Variants in JAG2 observed in about 807,000 individuals in gnomAD.
JAG2 encodes the protein protein jagged-2.
In JAG2, 46 loss-of-function variants were observed where a neutral mutation model predicts 141.7. That is an observed-to-expected ratio of 0.32 (90% CI 0.26 to 0.42). The LOEUF (loss-of-function observed/expected upper bound fraction) is 0.42. Among genes scored for constraint, JAG2 ranks in the 10% least tolerant of loss-of-function variants. The probability of loss-of-function intolerance (pLI) is 1.00; values close to 1 mark genes in which losing one functional copy is unlikely to be tolerated. For missense variants in JAG2, 1,500 were observed against 1,817.5 expected, an observed-to-expected ratio of 0.83 and a Z score of 3.18; for synonymous variants, 862 against 763.5, an observed-to-expected ratio of 1.13 and a Z score of -2.13.
In JAG2 at chr14:105,167,815, C is replaced by G. The variant is rs1280880686; in HGVS notation, c.359G>C (p.Arg120Pro). The change falls in exon 2 of 26, where the codon CGG (arginine) becomes CCG (proline). Residue 120 changes from arginine to proline, a missense_variant. By Grantham distance (103) the Arg-to-Pro change is moderately radical. Around this residue, in one of 3 missense-constraint regions of JAG2, gnomAD observed 200 missense variants for 174.3 expected, o/e 1.15. Coordinates refer to ENST00000331782, the MANE Select transcript of JAG2 (RefSeq NM_002226.5). This position sits in a 1 kb window ranked among gnomAD's most constrained non-coding sequence, Gnocchi z 4.8. ...GCCCGGGTCCTGGTCGCCGCCGGCCCGGGCCCGCGCCCGCGCTCGGTCCCC... is the reference window on the plus strand; with the variant it reads ...GCCCGGGTCCTGGTCGCCGCCGGCCGGGGCCCGCGCCCGCGCTCGGTCCCC... The part of the protein sequence containing the change: ...AAGDRARARA[R>P]AGGDQDPGLV... 8 of 1,469,156 alleles carry G rather than the reference C, an allele frequency of 5.4e-6. No homozygotes were observed. The highest frequency in any genetic ancestry group is 6.0e-5 in the East Asian group (2 of 33,394). The allele number at this position is 1,469,156 out of a possible 1,614,324, so 91.0% of individuals were successfully genotyped here.
At chr14:105,163,245 G>A (rs587771701) in intron 2 of JAG2, among the ~76,000 whole-genome samples, 1 of 152,340 alleles carries the variant, frequency 6.6e-6, no homozygotes, top group East Asian at 1.9e-4. Context: ...TGTCACCCGA[G>A]GCAGGGAAGA....
chr14:105,155,688 C>A, intron 4 of JAG2, 50 bp downstream of exon 4: 1 of 1,612,316 alleles, frequency 6.2e-7, no homozygotes, highest in Non-Finnish European at 8.5e-7. Flanking sequence ...GTGCCCGGGG[C>A]CCTGCCCGAG....
chr14:105,168,335 G>T lies in JAG2; in HGVS notation c.66+20C>A. 3 of 347,110 alleles carry T rather than the reference G, an allele frequency of 8.6e-6. No homozygotes were observed. Among genetic ancestry groups the T allele is most frequent in the Non-Finnish European group, 1.3e-5 (3 of 237,378 alleles). The allele number at this position is 347,110 out of a possible 1,614,324, so 21.5% of individuals were successfully genotyped here. ...GTGTGCCCCGTCCGCGACCCCCGCC[G>T]CCCCCGCCGCCCCGCTCACCTGCAC... On this transcript the variant is annotated intron_variant, in intron 1 of 25. Coordinates refer to ENST00000331782, the MANE Select transcript of JAG2 (RefSeq NM_002226.5).
rs201854766 is a variant in JAG2 at position 105,151,222 on chromosome 14, AGCAGCCCCC to A, written c.1267+52_1267+60del. The A allele has an allele frequency of 2.1e-3, 3,171 of 1,515,342 alleles. 57 individuals carry two copies. In the African/African-American group the frequency reaches 0.035, roughly 17 times the overall value. The allele number at this position is 1,515,342 out of a possible 1,614,324, so 93.9% of individuals were successfully genotyped here. ...CAGCCCCAGCAGCCCCCGCAGCCCC[AGCAGCCCCC>A]GCAGCCCGCATGCGCGGCCCACGTT... On this transcript the variant is annotated intron_variant, in intron 9 of 25. Coordinates refer to ENST00000331782, the MANE Select transcript of JAG2 (RefSeq NM_002226.5).
chr14:105,142,956 C>T lies in JAG2; in HGVS notation c.3456G>A (p.Lys1152=), dbSNP rs753436376. Residue 1152 remains lysine, a synonymous_variant, in exon 26 of 26, where the codon AAG becomes AAA. Coordinates refer to ENST00000331782, the MANE Select transcript of JAG2 (RefSeq NM_002226.5). The stretch of plus-strand genomic sequence containing the variant: ...CCCTGCGCGGCGGCGGCGTGAAGTT[C>T]TTGCACTGGTAGAGCACGTCCTTGT... ...GGHKDVLYQC[K]NFTPPPRRAD... is the part of the protein sequence containing the mutation. 76 of 1,610,026 alleles carry T rather than the reference C, an allele frequency of 4.7e-5. No individual in the cohort carries two copies. In the South Asian group the frequency reaches 7.7e-4, roughly 16 times the overall value.
In JAG2 at chr14:105,167,409, A is replaced by T. The variant is rs587747909; in HGVS notation, c.417+348T>A. On this transcript the variant is annotated intron_variant, in intron 2 of 25. Transcript: ENST00000331782. The surrounding 1 kb of genome is among the most constrained non-coding windows in gnomAD (Gnocchi z 4.8). ...ACCAGCCCCAGCACGCGCTGCGCAC[A>T]TGCCACCGCGGCCTGCCCGGGACCG... 6.6e-6 allele frequency among the ~76,000 whole-genome samples: 1 copy of T among 151,880 alleles called. No individual in the cohort carries two copies. Among genetic ancestry groups the T allele is most frequent in the East Asian group, 2.0e-4 (1 of 5,120 alleles).
chr14:105,145,985 CG>C lies in JAG2; in HGVS notation c.2710-13del. Reference sequence around the variant, plus strand: ...CATCCGCACCACACCTGGGCAGGCACGCACAGGAGGGTCAGGCGCAGGCGCA... The same window carrying C: ...CATCCGCACCACACCTGGGCAGGCACCACAGGAGGGTCAGGCGCAGGCGCA... On this transcript the variant is annotated splice_polypyrimidine_tract_variant and intron_variant, in intron 22 of 25. Transcript: ENST00000331782. 2 of 1,592,658 alleles carry C rather than the reference CG, an allele frequency of 1.3e-6. No homozygotes were observed. Among genetic ancestry groups the C allele is most frequent in the Non-Finnish European group, 8.5e-7 (1 of 1,172,186 alleles).
At chr14:105,153,445 G>A (rs1416931601) in intron 5 of JAG2, among the ~76,000 whole-genome samples, 8 of 152,352 alleles carry the variant, frequency 5.3e-5, no homozygotes, top group African/African-American at 1.7e-4. Context: ...CGGCCAGAGA[G>A]CGGCCACAGC....
intron 2 of JAG2, among the ~76,000 whole-genome samples, chr14:105,163,442 G>A (rs1888816463): frequency 6.6e-6 from 1 of 152,092 alleles, no homozygotes; most frequent in Non-Finnish European, 1.5e-5. Flanking sequence ...CCCCCACCGT[G>A]AAGACGGTGG....
chr14:105,155,468 G>T, intron 5 of JAG2, 94 bp downstream of exon 5: 2 of 1,439,544 alleles, frequency 1.4e-6, no homozygotes, highest in Non-Finnish European at 2.0e-6. Context: ...CCTCCAGCCA[G>T]CTCCGGGCGA....
chr14:105,147,554 G>C (rs886422220), intron 18 of JAG2, 27 bp from the exon 19 acceptor site: 3 of 1,607,774 alleles, frequency 1.9e-6, no homozygotes, highest in Admixed American at 3.3e-5. Context: ...GAACGCAGGG[G>C]ATCAGTACCC....
At chr14:105,147,257 T>G in intron 20 of JAG2, 69 bp downstream of exon 20, 1 of 1,221,690 alleles carries the variant, frequency 8.2e-7, no homozygotes, top group Non-Finnish European at 1.2e-6. Flanking sequence ...TGGACGTTGA[T>G]GTCCCCAGAC....
rs1484748382 is a variant in JAG2 at position 105,154,493 on chromosome 14, C to T, written c.788+1069G>A. On this transcript the variant is annotated intron_variant, in intron 5 of 25. Coordinates refer to ENST00000331782, the MANE Select transcript of JAG2 (RefSeq NM_002226.5). The surrounding 1 kb of genome is among the most constrained non-coding windows in gnomAD (Gnocchi z 4.4). ...TCTGCTCCACTCTAGGGCAAAGCTG[C>T]CAGCCCCCCTGGCTGGATCCCCCAC... Among the ~76,000 whole-genome samples the T allele has an allele frequency of 6.6e-6, 1 of 152,186 alleles. No individual in the cohort carries two copies. The highest frequency in any genetic ancestry group is 1.5e-5 in the Non-Finnish European group (1 of 68,016).
intron 23 of JAG2, 81 bp downstream of exon 23, chr14:105,145,650 T>C: frequency 6.6e-7 from 1 of 1,521,930 alleles, no homozygotes; most frequent in Non-Finnish European, 8.9e-7. Context: ...CTCCCTGCCC[T>C]GCGGGGCTAG....
intron 5 of JAG2, among the ~76,000 whole-genome samples, chr14:105,153,774 T>C (rs1888505847): frequency 6.6e-6 from 1 of 152,214 alleles, no homozygotes; most frequent in Admixed American, 6.5e-5. Flanking sequence ...AGGGCAGGGA[T>C]GGCCAACTTC....
chr14:105,148,927 G>A lies in JAG2; in HGVS notation c.1906+10C>T. On this transcript the variant is annotated intron_variant, in intron 14 of 25. Transcript: ENST00000331782. ...GCCCCACCACCAGCCCGCCGTTCGT[G>A]GCCACTCACTCTCATGGCAGTAGGT... 6.2e-7 allele frequency: 1 copy of A among 1,603,472 alleles called. No individual in the cohort carries two copies. The highest frequency in any genetic ancestry group is 8.5e-7 in the Non-Finnish European group (1 of 1,175,804).
chr14:105,147,973 G>A (rs1888281307), intron 17 of JAG2, 85 bp from the exon 18 acceptor site: 1 of 1,234,962 alleles, frequency 8.1e-7, no homozygotes, highest in Non-Finnish European at 1.2e-6. Flanking sequence ...ACCCAGACAG[G>A]GCAGACAGAC....
Position 105,142,671 on chromosome 14 carries a change from T to C in JAG2, c.*24A>G. Reference sequence around the variant, plus strand: ...CATGGCTCCCACCGAGGGCCCTGGGTCCCGGCCCAGCTGGCAGCCGCCCCT... The same window carrying C: ...CATGGCTCCCACCGAGGGCCCTGGGCCCCGGCCCAGCTGGCAGCCGCCCCT... On this transcript the variant is annotated 3_prime_UTR_variant, in exon 26 of 26. Transcript: ENST00000331782. 1 of 1,560,970 alleles carries C rather than the reference T, an allele frequency of 6.4e-7. No homozygotes were observed. Among genetic ancestry groups the C allele is most frequent in the Non-Finnish European group, 8.7e-7 (1 of 1,148,968 alleles).
rs1888204594 is a variant in JAG2, at chr14:105,145,809, G to A, written c.2874C>T (p.Pro958=). ...ECGAEEPPST[P]CLPRSGHLDN... ...CCAGGTGGCCGGAGCGTGGCAGGCA[G>A]GGGGTGCTCGGTGGCTCTTCTGCGC... is the stretch of plus-strand genomic sequence containing the variant. Residue 958 remains proline (P), a synonymous_variant, in exon 23 of 26, where the codon CCC becomes CCT. Transcript: ENST00000331782. The A allele has an allele frequency of 2.6e-6, 4 of 1,568,452 alleles. No homozygotes were observed. In the East Asian group the frequency reaches 9.6e-5, roughly 37 times the overall value.
Sources: allele counts gnomAD v4.1 joint callset (sites outside exome capture counted in the v4.1 genomes callset), GRCh38; gene constraint gnomAD v4.1.1; regional missense constraint gnomAD v4.1.1; non-coding constraint Gnocchi (gnomAD v3.1); transcripts MANE v1.5; gene names NCBI Gene and HGNC (gene_info 2026-07-23, HGNC 2026-07-21).